Variants in UFSP2 observed in about 807,000 individuals in gnomAD.
The protein encoded by UFSP2 is UFM1 specific peptidase 2, also known as ufm1-specific protease 2.
UFSP2 carries 43 observed loss-of-function variants against 60.2 expected under a neutral mutation model. That is an observed-to-expected ratio of 0.71 (90% CI 0.56 to 0.92). The LOEUF (loss-of-function observed/expected upper bound fraction) is 0.92. Among genes scored for constraint, UFSP2 ranks in the 40% least tolerant of loss-of-function variants. UFSP2 has a pLI of 0.00. For synonymous variants in UFSP2, 183 were observed against 195.1 expected (o/e 0.94, Z 0.52); for missense variants, 520 against 575.0 (o/e 0.90, Z 0.98).
rs574366245 is a variant in UFSP2, at chr4:185,422,067, G to A, written c.82+418C>T. Among the ~76,000 whole-genome samples the A allele has an allele frequency of 6.8e-4, 103 of 152,286 alleles. 1 individual carries two copies. The highest frequency in any genetic ancestry group is 6.8e-3 in the Middle Eastern group (2 of 294). On this transcript the variant is annotated intron_variant, in intron 2 of 11. Coordinates refer to ENST00000264689, the MANE Select transcript of UFSP2 (RefSeq NM_018359.5). ...CTAGAATCTGCTTCATATAAACCCT[G>A]TTGATTTTTCTTCCATAGAGTTCTT...
intron 9 of UFSP2, among the ~76,000 whole-genome samples, chr4:185,407,697 G>C (rs946149912): frequency 2.0e-5 from 3 of 151,418 alleles, no homozygotes; most frequent in Admixed American, 6.6e-5. Context: ...GCTAAAATTA[G>C]GCCTAAATAA....
chr4:185,415,464 A>C (rs1179133689), intron 5 of UFSP2, 117 bp from the exon 6 acceptor site: 1 of 929,458 alleles, frequency 1.1e-6, no homozygotes, highest in African/African-American at 1.7e-5. Flanking sequence ...AGGTTTGCTA[A>C]AGGAAGTCTG....
chr4:185,422,956 G>A (rs757040146), intron 1 of UFSP2, among the ~76,000 whole-genome samples: 1 of 152,110 alleles, frequency 6.6e-6, no homozygotes, highest in Non-Finnish European at 1.5e-5. Flanking sequence ...CCTCCTGGGT[G>A]TAAGAGATTC....
chr4:185,407,866 CTAT>C (rs2095523099), intron 9 of UFSP2, 67 bp downstream of exon 9: 2 of 1,482,290 alleles, frequency 1.3e-6, no homozygotes, highest in Admixed American at 4.2e-5. Flanking sequence ...ACCATTTTTT[CTAT>C]TATTTTAATT....
rs767681133 is a variant in UFSP2 at position 185,422,486 on chromosome 4, A to G, written c.81T>C (p.Asn27=). The change falls in exon 2 of 12, where the codon AAT becomes AAC. Residue 27 remains asparagine, a splice_region_variant and synonymous_variant. Coordinates refer to ENST00000264689, the MANE Select transcript of UFSP2 (RefSeq NM_018359.5). ...LDLAFQLATP[N]EIFLKKALKH... ...AAAAGAATTTTTCAGAAGACCTACCATTAGGAGTAGCTAGCTGAAAAGCCA... is the reference window on the plus strand; with the variant it reads ...AAAAGAATTTTTCAGAAGACCTACCGTTAGGAGTAGCTAGCTGAAAAGCCA... 10 of 1,607,766 alleles carry G rather than the reference A, an allele frequency of 6.2e-6. No homozygotes were observed. Among genetic ancestry groups the G allele is most frequent in the Non-Finnish European group, 8.5e-6 (10 of 1,177,606 alleles).
intron 1 of UFSP2, 58 bp downstream of exon 1, chr4:185,425,808 G>C (rs1580093934): frequency 6.3e-7 from 1 of 1,582,232 alleles, no homozygotes; most frequent in East Asian, 2.3e-5. Flanking sequence ...GCCCGCTCGT[G>C]GCGGCTGCCA....
chr4:185,400,036 G>A lies in UFSP2; in HGVS notation c.*356C>T, dbSNP rs376863761. ...AAACAGATGTCACGTGGGTTATGAA[G>A]AAGTCTGAAGAACGCCTTCATTTCA... On this transcript the variant is annotated 3_prime_UTR_variant, in exon 12 of 12. Coordinates refer to ENST00000264689, the MANE Select transcript of UFSP2 (RefSeq NM_018359.5). 5.7e-6 allele frequency: 9 copies of A among 1,587,092 alleles called. No individual in the cohort carries two copies. Among genetic ancestry groups the A allele is most frequent in the Non-Finnish European group, 6.9e-6 (8 of 1,163,184 alleles).
chr4:185,425,883 G>C lies in UFSP2; in HGVS notation c.-15C>G, dbSNP rs1422162295. 6.2e-7 allele frequency: 1 copy of C among 1,600,104 alleles called. No homozygotes were observed. Among genetic ancestry groups the C allele is most frequent in the Admixed American group, 1.7e-5 (1 of 57,908 alleles). The stretch of plus-strand genomic sequence containing the variant: ...ATACTCACCATGTCCGCGACGTGGC[G>C]GTGACACGGGCGCTGACGCCTGCCC... On this transcript the variant is annotated 5_prime_UTR_variant, in exon 1 of 12. Coordinates refer to ENST00000264689, the MANE Select transcript of UFSP2 (RefSeq NM_018359.5).
intron 2 of UFSP2, among the ~76,000 whole-genome samples, chr4:185,419,529 C>G (rs2095545731): frequency 6.6e-6 from 1 of 152,220 alleles, no homozygotes; most frequent in African/African-American, 2.4e-5. Flanking sequence ...CACTTACTAA[C>G]TATATGATCT....
At chr4:185,401,167 ACT>A (rs1322324652) in intron 11 of UFSP2, among the ~76,000 whole-genome samples, 1 of 152,138 alleles carries the variant, frequency 6.6e-6, no homozygotes, top group Non-Finnish European at 1.5e-5. Context: ...GGAGGCTGAG[ACT>A]CTGAAAATAC....
intron 2 of UFSP2, among the ~76,000 whole-genome samples, chr4:185,419,626 T>C (rs1191615969): frequency 1.3e-5 from 2 of 152,246 alleles, no homozygotes; most frequent in African/African-American, 4.8e-5. Flanking sequence ...CCTACTTTTT[T>C]CTTTATGGAT....
At chr4:185,415,508 T>C (rs1307116173) in intron 5 of UFSP2, among the ~76,000 whole-genome samples, 161 bp from the exon 6 acceptor site, 1 of 152,208 alleles carries the variant, frequency 6.6e-6, no homozygotes, top group Non-Finnish European at 1.5e-5. Context: ...GTGTATTTGC[T>C]CTTTGTGGAT....
At chr4:185,414,850 T>C (rs1433674004) in intron 6 of UFSP2, among the ~76,000 whole-genome samples, 11 of 152,208 alleles carry the variant, frequency 7.2e-5, no homozygotes. Flanking sequence ...CCAGCAACTT[T>C]AGGCATGTAA....
At chr4:185,423,855 A>G (rs1364202122) in intron 1 of UFSP2, among the ~76,000 whole-genome samples, 1 of 152,200 alleles carries the variant, frequency 6.6e-6, no homozygotes, top group African/African-American at 2.4e-5. Context: ...GAAGGGAGAA[A>G]GAGAGCGGGA....
chr4:185,421,701 C>G (rs11132302), intron 2 of UFSP2, among the ~76,000 whole-genome samples: 99,385 of 152,100 alleles, frequency 0.65, 35,045 homozygotes, highest in East Asian at 0.87. Flanking sequence ...CTCAGGTATT[C>G]CTTTAGAAAG....
At chr4:185,413,031 C>T (rs1166387564) in intron 7 of UFSP2, among the ~76,000 whole-genome samples, 2 of 152,118 alleles carry the variant, frequency 1.3e-5, no homozygotes, top group African/African-American at 4.8e-5. Flanking sequence ...AGTGGCTGGG[C>T]ATGGTGAATC....
rs757076759 is a variant in UFSP2, at chr4:185,415,358, A to G, written c.492-11T>C. The G allele has an allele frequency of 3.1e-5, 49 of 1,562,040 alleles. No individual in the cohort carries two copies. The African/African-American group carries it at 4.0e-4, about 13-fold the overall frequency. Reference sequence around the variant, plus strand: ...AGGAGTTTACGAACTCTGTGGGGGGAAATATATAAGTGTATTAACAAAAGT... The same window carrying G: ...AGGAGTTTACGAACTCTGTGGGGGGGAATATATAAGTGTATTAACAAAAGT... On this transcript the variant is annotated splice_polypyrimidine_tract_variant and intron_variant, in intron 5 of 11. Transcript: ENST00000264689.
chr4:185,400,631 G>A, intron 11 of UFSP2, 153 bp from the exon 12 acceptor site: 1 of 498,814 alleles, frequency 2.0e-6, no homozygotes, highest in Non-Finnish European at 3.6e-6. Flanking sequence ...GCATAGAAAA[G>A]TAACGTATCT....
intron 1 of UFSP2, among the ~76,000 whole-genome samples, chr4:185,423,994 C>T (rs1580088290): frequency 6.6e-6 from 1 of 152,090 alleles, no homozygotes; most frequent in Non-Finnish European, 1.5e-5. Context: ...CTAACATTTA[C>T]TGAGCTCTTC....
Sources: allele counts gnomAD v4.1 joint callset (sites outside exome capture counted in the v4.1 genomes callset), GRCh38; gene constraint gnomAD v4.1.1; transcripts MANE v1.5; gene names NCBI Gene and HGNC (gene_info 2026-07-23, HGNC 2026-07-21).